The following HIVEP3 variants were observed in gnomAD, a reference collection of about 807,000 sequenced individuals.
HIVEP3 encodes the protein transcription factor HIVEP3.
Under a neutral mutation model 152.8 loss-of-function variants are expected in HIVEP3, and 49 were observed. The ratio of observed to expected loss-of-function variants is 0.32; its 90% CI spans 0.26 to 0.41. The LOEUF is 0.41. HIVEP3 is among the 10% of genes least tolerant of loss of function. The probability of loss-of-function intolerance (pLI) is 1.00; values close to 1 mark genes in which losing one functional copy is unlikely to be tolerated. For missense variants in HIVEP3, 2,790 were observed against 3,103.3 expected (o/e 0.90, Z 2.40); for synonymous variants, 1,269 against 1,289.0 (o/e 0.98, Z 0.33).
At chr1:41,658,829 C>A (rs1262496854) in intron 2 of HIVEP3, among the ~76,000 whole-genome samples, 2 of 152,188 alleles carry the variant, frequency 1.3e-5, no homozygotes, top group Non-Finnish European at 2.9e-5. Context: ...GGAAGCAGCA[C>A]AACTAATTCA....
rs1202564491 is a variant in HIVEP3 at position 41,664,074 on chromosome 1, A to G, written c.-720-35127T>C. Among the ~76,000 whole-genome samples, 1 of 152,192 alleles carries G rather than the reference A, an allele frequency of 6.6e-6. No homozygotes were observed. The highest frequency in any genetic ancestry group is 6.5e-5 in the Admixed American group (1 of 15,284). ...TTTCCACTTCTTGAGGTCTTCATAC[A>G]GGCTTTCCCTTTGAAATGTCTTCTC... On this transcript the variant is annotated intron_variant, in intron 2 of 8. Transcript: ENST00000372583. This position sits in a 1 kb window ranked among gnomAD's most constrained non-coding sequence, Gnocchi z 4.4.
intron 1 of HIVEP3, among the ~76,000 whole-genome samples, chr1:41,948,709 A>C (rs902272817): frequency 3.3e-5 from 5 of 151,790 alleles, no homozygotes; most frequent in Admixed American, 1.3e-4. Flanking sequence ...CCAAAGAAGG[A>C]AAAATACTTT....
chr1:41,755,641 T>C (rs1054749409), intron 1 of HIVEP3, among the ~76,000 whole-genome samples: 1 of 148,484 alleles, frequency 6.7e-6, no homozygotes, highest in Non-Finnish European at 1.5e-5. Context: ...CAATAAACAA[T>C]CTAATTAGAA....
intron 3 of HIVEP3, among the ~76,000 whole-genome samples, chr1:41,624,023 T>C (rs1053475464): frequency 7.9e-5 from 12 of 152,226 alleles, no homozygotes; most frequent in African/African-American, 2.7e-4. Context: ...CCCCAGGAGC[T>C]GAGTTTGCTC....
At chr1:41,968,309 A>G (rs1193696887) in intron 1 of HIVEP3, among the ~76,000 whole-genome samples, 4 of 152,180 alleles carry the variant, frequency 2.6e-5, no homozygotes, top group Non-Finnish European at 5.9e-5. Flanking sequence ...AAAATCCGCA[A>G]TAAAATACTG....
chr1:41,631,750 C>T (rs1309983080), intron 2 of HIVEP3, among the ~76,000 whole-genome samples: 2 of 152,170 alleles, frequency 1.3e-5, no homozygotes, highest in Non-Finnish European at 2.9e-5. Flanking sequence ...AGCCCAATTT[C>T]TCACTACTCT....
intron 1 of HIVEP3, among the ~76,000 whole-genome samples, chr1:41,993,181 G>T (rs1645373769): frequency 6.6e-6 from 1 of 150,820 alleles, no homozygotes; most frequent in African/African-American, 2.4e-5. Context: ...CTTCTGTACA[G>T]CAAAAGAAAC....
chr1:41,650,691 T>A (rs1645535427), intron 2 of HIVEP3, among the ~76,000 whole-genome samples: 1 of 152,112 alleles, frequency 6.6e-6, no homozygotes, highest in African/African-American at 2.4e-5. Context: ...CCAGGCTGTT[T>A]CTCTGAGCGC....
intron 1 of HIVEP3, among the ~76,000 whole-genome samples, chr1:41,769,273 G>C (rs1648201333): frequency 6.6e-6 from 1 of 152,162 alleles, no homozygotes; most frequent in Admixed American, 6.6e-5. Flanking sequence ...CAGCCCATCT[G>C]GCCAACCCTA....
chr1:41,919,698 G>C (rs1455162110), upstream of HIVEP3, among the ~76,000 whole-genome samples: 1 of 152,138 alleles, frequency 6.6e-6, no homozygotes, highest in Admixed American at 6.5e-5. Flanking sequence ...AAACAGGGTA[G>C]GGGGAGAGAC....
intron 5 of HIVEP3, among the ~76,000 whole-genome samples, chr1:41,534,158 A>G (rs1002086798): frequency 1.3e-5 from 2 of 152,000 alleles, no homozygotes; most frequent in African/African-American, 4.8e-5. Context: ...TTTCTTCACA[A>G]AACAGCCAGT....
At chr1:41,628,354 A>G (rs6656183) in intron 3 of HIVEP3, among the ~76,000 whole-genome samples, 89,153 of 152,076 alleles carry the variant, frequency 0.59, 27,581 homozygotes, top group African/African-American at 0.79. Flanking sequence ...ACCATTATGT[A>G]GGAGAAGAGG....
rs543826960 is a variant in HIVEP3, at chr1:41,910,509, T to C, written c.-801+7904A>G. Among the ~76,000 whole-genome samples the C allele has an allele frequency of 1.3e-4, 20 of 152,076 alleles. 1 individual carries two copies. The Middle Eastern group carries it at 0.01, about 78-fold the overall frequency. ...AATATTCTATAACTTACTTTACAAA[T>C]TCAGCAAAACCATGATACAAAACCC... On this transcript the variant is annotated intron_variant, in intron 1 of 8. Coordinates refer to ENST00000372583, the MANE Select transcript of HIVEP3 (RefSeq NM_024503.5).
Position 41,509,717 on chromosome 1 carries a change from A to C in HIVEP3, c.*734T>G, listed in dbSNP as rs1177581751. 6.7e-6 allele frequency: 1 copy of C among 149,850 alleles called. No homozygotes were observed. The highest frequency in any genetic ancestry group is 1.5e-5 in the Non-Finnish European group (1 of 67,782). The allele number at this position is 149,850 out of a possible 1,614,324, so 9.3% of individuals were successfully genotyped here. On this transcript the variant is annotated 3_prime_UTR_variant, in exon 9 of 9. Transcript: ENST00000372583. Reference sequence around the variant, plus strand: ...GTGCCAGGATGGGCCCATGACTCAGACTACCAGAGTATCCAGGAGCCCTTG... The same window carrying C: ...GTGCCAGGATGGGCCCATGACTCAGCCTACCAGAGTATCCAGGAGCCCTTG...
chr1:41,570,428 G>C (rs774433094), intron 5 of HIVEP3, among the ~76,000 whole-genome samples: 3 of 152,132 alleles, frequency 2.0e-5, no homozygotes, highest in Non-Finnish European at 2.9e-5. Context: ...GAAACCTGAT[G>C]GTTTCATAAG....
intron 5 of HIVEP3, among the ~76,000 whole-genome samples, chr1:41,571,067 C>T (rs945143026): frequency 2.1e-4 from 32 of 152,056 alleles, no homozygotes; most frequent in African/African-American, 7.7e-4. Flanking sequence ...GGAGCCAATG[C>T]CCTCCCATAG....
chr1:41,948,701 A>C (rs545900760), intron 1 of HIVEP3, among the ~76,000 whole-genome samples: 3 of 151,930 alleles, frequency 2.0e-5, no homozygotes, highest in Admixed American at 2.0e-4. Context: ...GCTAACCACC[A>C]AAGAAGGAAA....
intron 1 of HIVEP3, among the ~76,000 whole-genome samples, chr1:41,976,737 T>C (rs1338700981): frequency 6.6e-6 from 1 of 152,134 alleles, no homozygotes; most frequent in Non-Finnish European, 1.5e-5. Context: ...CCTAATCCAA[T>C]ATGACTGATG....
At chr1:41,568,416 G>T (rs981424586) in intron 5 of HIVEP3, among the ~76,000 whole-genome samples, 1 of 152,254 alleles carries the variant, frequency 6.6e-6, no homozygotes, top group Non-Finnish European at 1.5e-5. Flanking sequence ...CAGGGAGCAG[G>T]GCGAGAGCCA....
Sources: gnomAD v4.1 joint callset for allele counts (sites outside exome capture counted in the v4.1 genomes callset) on GRCh38, gnomAD v4.1.1 for gene constraint, Gnocchi (gnomAD v3.1) non-coding constraint, MANE v1.5 for transcripts, NCBI Gene and HGNC (gene_info 2026-07-23, HGNC 2026-07-21) for gene names.